The following CGGBP1 variants were observed in gnomAD, a reference collection of about 807,000 sequenced individuals.
CGGBP1 encodes CGG triplet repeat binding protein 1.
In CGGBP1, 4 loss-of-function variants were observed where a neutral mutation model predicts 11.4. The observed-to-expected ratio is 0.35, with a 90% CI of 0.17 to 0.80. CGGBP1 has a LOEUF of 0.80. Among genes scored for constraint, CGGBP1 ranks in the 30% least tolerant of loss-of-function variants. CGGBP1 has a pLI of 0.52. For missense variants in CGGBP1, 135 were observed against 202.1 expected (o/e 0.67, Z 2.01); for synonymous variants, 76 against 74.1 (o/e 1.03, Z -0.13).
At chr3:88,105,043 G>C (rs1704651938) in intron 2 of CGGBP1, among the ~76,000 whole-genome samples, 1 of 152,224 alleles carries the variant, frequency 6.6e-6, no homozygotes, top group South Asian at 2.1e-4. Flanking sequence ...GGGAGACTGA[G>C]GCAGAAGAAT....
chr3:88,089,985 T>C (rs1708547992), intron 2 of CGGBP1, among the ~76,000 whole-genome samples: 1 of 152,228 alleles, frequency 6.6e-6, no homozygotes, highest in African/African-American at 2.4e-5. Flanking sequence ...TTATTCATGC[T>C]TGTGGTGATG....
chr3:88,121,238 CTA>C (rs763092645), intron 2 of CGGBP1, among the ~76,000 whole-genome samples: 3 of 152,074 alleles, frequency 2.0e-5, no homozygotes, highest in Non-Finnish European at 4.4e-5. Flanking sequence ...TAAAGTCAAT[CTA>C]TGTTTTCTTT....
chr3:88,062,530 G>A (rs4858981), upstream of CGGBP1, among the ~76,000 whole-genome samples: 114,180 of 152,106 alleles, frequency 0.75, 44,803 homozygotes, highest in South Asian at 0.91. Context: ...TGTCTGACTT[G>A]TTAAGTGCTG....
chr3:88,113,346 TAAAG>T (rs769212581), intron 2 of CGGBP1: 17 of 467,068 alleles, frequency 3.6e-5, no homozygotes, highest in Non-Finnish European at 5.2e-5. Context: ...TACTGGCTGA[TAAAG>T]AAAATTCATA....
At chr3:88,130,617 A>ATTTTTT (rs10674029) in intron 2 of CGGBP1, among the ~76,000 whole-genome samples, 3 of 129,206 alleles carry the variant, frequency 2.3e-5, no homozygotes, top group African/African-American at 5.9e-5. Flanking sequence ...TGCCCAGCTA[A>ATTTTTT]TTTTTTTTTT....
At chr3:88,104,816 A>G (rs528674342) in intron 2 of CGGBP1, among the ~76,000 whole-genome samples, 1 of 152,318 alleles carries the variant, frequency 6.6e-6, no homozygotes, top group African/African-American at 2.4e-5. Context: ...TATTAAGATG[A>G]TAGGGTTTAA....
intron 1 of CGGBP1, among the ~76,000 whole-genome samples, chr3:88,145,769 CTG>C (rs1366152219): frequency 6.6e-6 from 1 of 152,122 alleles, no homozygotes; most frequent in Non-Finnish European, 1.5e-5. Flanking sequence ...TTGATGGGTA[CTG>C]CACATTGGGG....
intron 2 of CGGBP1, chr3:88,135,333 A>G: frequency 1.5e-6 from 1 of 660,868 alleles, no homozygotes; most frequent in Non-Finnish European, 2.3e-6. Context: ...CATTCTCCAT[A>G]CATTACATTC....
chr3:88,090,652 A>G (rs1264509991), intron 2 of CGGBP1, among the ~76,000 whole-genome samples: 1 of 152,206 alleles, frequency 6.6e-6, no homozygotes, highest in East Asian at 1.9e-4. Context: ...ATAGGTCTTT[A>G]CATTCATTCA....
chr3:88,141,787 A>G (rs527524200), intron 1 of CGGBP1: 1 of 605,060 alleles, frequency 1.7e-6, no homozygotes, highest in Non-Finnish European at 2.6e-6. Context: ...GATAAAGACA[A>G]AGCACATTTT....
At chr3:88,111,494 A>AT (rs1010408568) in intron 2 of CGGBP1, among the ~76,000 whole-genome samples, 9 of 151,914 alleles carry the variant, frequency 5.9e-5, no homozygotes, top group African/African-American at 2.2e-4. Flanking sequence ...ATATCTTGGA[A>AT]TTTTTTAATT....
chr3:88,136,830 G>A (rs1050270364), intron 2 of CGGBP1, among the ~76,000 whole-genome samples: 8 of 152,150 alleles, frequency 5.3e-5, no homozygotes, highest in African/African-American at 1.7e-4. Flanking sequence ...GAAGCAGCCT[G>A]TTCTCTTTTT....
intron 2 of CGGBP1, among the ~76,000 whole-genome samples, chr3:88,087,639 A>G (rs1708406415): frequency 6.6e-6 from 1 of 152,248 alleles, no homozygotes; most frequent in South Asian, 2.1e-4. Context: ...TTATTTATTT[A>G]TACCTCAAAT....
chr3:88,093,522 G>C (rs1403423526), intron 2 of CGGBP1, among the ~76,000 whole-genome samples: 2 of 152,156 alleles, frequency 1.3e-5, no homozygotes, highest in African/African-American at 4.8e-5. Flanking sequence ...CACTGGCAAA[G>C]ACTAAATGGT....
chr3:88,059,449 A>C (rs1706708429), upstream of CGGBP1: 1 of 1,521,022 alleles, frequency 6.6e-7, no homozygotes, highest in Non-Finnish European at 8.8e-7. Flanking sequence ...TGGCAGCGGC[A>C]ACTGCGGCGG....
At chr3:88,139,307 T>C (rs987634275) in intron 2 of CGGBP1, 4 of 1,592,632 alleles carry the variant, frequency 2.5e-6, no homozygotes, top group Non-Finnish European at 3.4e-6. Context: ...CAAGGCATCG[T>C]TGTATGTTAT....
At chr3:88,140,807 A>G (rs887908757) in intron 2 of CGGBP1, 38 of 1,613,762 alleles carry the variant, frequency 2.4e-5, no homozygotes, top group Non-Finnish European at 3.1e-5. Context: ...TAACAAAACC[A>G]TACGTCAGAC....
intron 1 of CGGBP1, chr3:88,144,650 C>A (rs1183536277): frequency 1.3e-5 from 2 of 152,310 alleles, no homozygotes; most frequent in African/African-American, 2.4e-5. Flanking sequence ...ATAAAACGTC[C>A]TTGTTGGTAA....
intron 2 of CGGBP1, among the ~76,000 whole-genome samples, chr3:88,100,451 G>C: frequency 6.6e-6 from 1 of 152,162 alleles, no homozygotes; most frequent in Non-Finnish European, 1.5e-5. Context: ...AATACCATTT[G>C]ACCCAGCCAT....
Sources: allele counts gnomAD v4.1 joint callset (sites outside exome capture counted in the v4.1 genomes callset), GRCh38; gene constraint gnomAD v4.1.1; transcripts MANE v1.5; gene names NCBI Gene and HGNC (gene_info 2026-07-23, HGNC 2026-07-21).